SGCZ: variants seen among roughly 807,000 people sequenced by gnomAD.
SGCZ encodes sarcoglycan zeta.
In SGCZ, 40 loss-of-function variants were observed where a neutral mutation model predicts 41.3. That is an observed-to-expected ratio of 0.97 (90% CI 0.75 to 1.26). The LOEUF (loss-of-function observed/expected upper bound fraction) is 1.26. SGCZ is among the 50% of genes most tolerant of loss of function. The pLI is 0.00. For synonymous variants in SGCZ, 206 were observed against 137.5 expected (o/e 1.50, Z -3.49); for missense variants, 552 against 369.8 (o/e 1.49, Z -4.04).
chr8:14,427,839 T>A (rs189780051), intron 2 of SGCZ, among the ~76,000 whole-genome samples: 1 of 152,214 alleles, frequency 6.6e-6, no homozygotes, highest in Admixed American at 6.5e-5. Flanking sequence ...TTCAGCAGAT[T>A]CAACCAATCA....
At chr8:14,660,535 C>T (rs1176052758) in intron 1 of SGCZ, among the ~76,000 whole-genome samples, 2 of 139,736 alleles carry the variant, frequency 1.4e-5, no homozygotes, top group African/African-American at 5.5e-5. Flanking sequence ...TCAGCCACTG[C>T]ACTCCAGCCT....
At chr8:14,244,568 C>G (rs1009403241) in intron 3 of SGCZ, among the ~76,000 whole-genome samples, 1 of 151,870 alleles carries the variant, frequency 6.6e-6, no homozygotes, top group Admixed American at 6.6e-5. Flanking sequence ...ATTGACTTGG[C>G]GATGCGGGCT....
At chr8:14,815,501 G>A (rs1563288990) in intron 1 of SGCZ, among the ~76,000 whole-genome samples, 4 of 151,738 alleles carry the variant, frequency 2.6e-5, no homozygotes, top group South Asian at 2.1e-4. Flanking sequence ...TATTTCTTCC[G>A]GCAGTATATC....
At chr8:14,585,548 C>T (rs1303340461) in intron 1 of SGCZ, among the ~76,000 whole-genome samples, 2 of 151,796 alleles carry the variant, frequency 1.3e-5, no homozygotes, top group East Asian at 1.9e-4. Flanking sequence ...GAAATGGAAC[C>T]AAGGCAAAAA....
At chr8:14,813,539 C>T (rs1220346165) in intron 1 of SGCZ, among the ~76,000 whole-genome samples, 7 of 152,136 alleles carry the variant, frequency 4.6e-5, no homozygotes, top group African/African-American at 1.7e-4. Flanking sequence ...CAGGGAAAAT[C>T]GTAATACACA....
chr8:14,273,210 A>T (rs969074470), intron 3 of SGCZ, among the ~76,000 whole-genome samples: 2 of 152,134 alleles, frequency 1.3e-5, no homozygotes, highest in African/African-American at 4.8e-5. Flanking sequence ...AAATTAAAAT[A>T]ATATAAAATG....
chr8:14,301,318 A>G lies in SGCZ; in HGVS notation c.336+22785T>C, dbSNP rs1801178967. ...CTGATCCATGTTTTCTGATAAAAGT[A>G]TAGGATTATTGGAGTTTATAATACA... On this transcript the variant is annotated intron_variant, in intron 3 of 7. Coordinates refer to ENST00000382080, the MANE Select transcript of SGCZ (RefSeq NM_139167.4). 2.0e-5 allele frequency among the ~76,000 whole-genome samples: 3 copies of G among 152,014 alleles called. No homozygotes were observed. The South Asian group carries it at 6.2e-4, about 31-fold the overall frequency.
rs1300628763 is a variant in SGCZ at position 14,088,036 on chromosome 8, C to T, written c.*2407G>A. Among the ~76,000 whole-genome samples the T allele has an allele frequency of 1.3e-5, 2 of 151,662 alleles. No homozygotes were observed. Among genetic ancestry groups the T allele is most frequent in the Non-Finnish European group, 3.0e-5 (2 of 67,784 alleles). On this transcript the variant is annotated 3_prime_UTR_variant, in exon 8 of 8. Coordinates refer to ENST00000382080, the MANE Select transcript of SGCZ (RefSeq NM_139167.4). ...CATTTGAATTAAAAATGTGTCAGTCCCTCACTGGAATCGGTTTTTACATCT... is the reference window on the plus strand; with the variant it reads ...CATTTGAATTAAAAATGTGTCAGTCTCTCACTGGAATCGGTTTTTACATCT...
intron 1 of SGCZ, among the ~76,000 whole-genome samples, chr8:14,938,498 A>AT (rs1800158976): frequency 6.6e-6 from 1 of 152,096 alleles, no homozygotes; most frequent in South Asian, 2.1e-4. Flanking sequence ...TTTTCTTAAA[A>AT]TTTTCTTTTT....
At chr8:14,475,757 T>C (rs1233209099) in intron 2 of SGCZ, among the ~76,000 whole-genome samples, 1 of 152,120 alleles carries the variant, frequency 6.6e-6, no homozygotes, top group African/African-American at 2.4e-5. Context: ...ATATCAATGA[T>C]ATATATATAC....
intron 6 of SGCZ, among the ~76,000 whole-genome samples, chr8:14,107,491 T>G (rs992874254): frequency 2.6e-5 from 4 of 152,174 alleles, no homozygotes; most frequent in African/African-American, 9.7e-5. Context: ...TTTGTCTGAT[T>G]TGCTTCCATA....
chr8:14,631,014 G>A (rs1260788992), intron 1 of SGCZ, among the ~76,000 whole-genome samples: 3 of 151,736 alleles, frequency 2.0e-5, no homozygotes, highest in Non-Finnish European at 4.4e-5. Flanking sequence ...AGAACTTAAA[G>A]TATAATAAAA....
chr8:14,340,006 A>G (rs1484778945), intron 2 of SGCZ, among the ~76,000 whole-genome samples: 1 of 152,184 alleles, frequency 6.6e-6, no homozygotes, highest in Non-Finnish European at 1.5e-5. Context: ...AACAAATGAT[A>G]CAGACACTAT....
chr8:14,134,335 T>C (rs536564550), intron 5 of SGCZ, among the ~76,000 whole-genome samples: 1 of 152,264 alleles, frequency 6.6e-6, no homozygotes, highest in African/African-American at 2.4e-5. Context: ...AGCCAGTACA[T>C]GTATCATGAT....
At chr8:14,270,968 G>A (rs546061046) in intron 3 of SGCZ, among the ~76,000 whole-genome samples, 16 of 152,194 alleles carry the variant, frequency 1.1e-4, no homozygotes, top group African/African-American at 3.6e-4. Flanking sequence ...AACACCACAT[G>A]TTCTCACTCA....
intron 1 of SGCZ, among the ~76,000 whole-genome samples, chr8:15,141,086 G>T (rs268421): frequency 0.96 from 145,839 of 152,348 alleles, 70,099 homozygotes; most frequent in East Asian, 1. Flanking sequence ...GACTTCTTAT[G>T]TAATTTTCAC....
chr8:15,228,910 C>T (rs1801857044), intron 1 of SGCZ, among the ~76,000 whole-genome samples: 2 of 152,092 alleles, frequency 1.3e-5, no homozygotes, highest in African/African-American at 2.4e-5. Flanking sequence ...TTGAAAAATG[C>T]AGGCTGGGCA....
Position 15,014,899 on chromosome 8 carries a change from C to G in SGCZ, c.39+222686G>C, listed in dbSNP as rs558217933. On this transcript the variant is annotated intron_variant, in intron 1 of 7. Transcript: ENST00000382080. ...GGCAAAAATAAGCTGGCCCAAGCAG[C>G]CTTCTGTAAAAACTACCGCAAACCT... 1.7e-4 allele frequency among the ~76,000 whole-genome samples: 26 copies of G among 152,304 alleles called. 1 individual carries two copies. The East Asian group carries it at 4.2e-3, about 25-fold the overall frequency.
intron 2 of SGCZ, among the ~76,000 whole-genome samples, chr8:14,325,747 CATATATATATATATATATATATATATAT>C (rs370021799): frequency 2.7e-4 from 19 of 69,458 alleles, no homozygotes; most frequent in Non-Finnish European, 3.4e-4. Flanking sequence ...CACACACACA[CATATATATATATATATATATATATATAT>C]ATATATATAT....
Sources: allele counts gnomAD v4.1 joint callset (sites outside exome capture counted in the v4.1 genomes callset), GRCh38; gene constraint gnomAD v4.1.1; transcripts MANE v1.5; gene names NCBI Gene and HGNC (gene_info 2026-07-23, HGNC 2026-07-21).